Variants in PRKCA observed in about 807,000 individuals in gnomAD.
PRKCA encodes protein kinase C alpha.
PRKCA carries 27 observed loss-of-function variants against 87.0 expected under a neutral mutation model. The observed-to-expected ratio is 0.31, with a 90% CI of 0.23 to 0.43. The LOEUF is 0.43. Ranked by LOEUF, PRKCA falls within the 20% of genes least tolerant of loss-of-function variation. PRKCA has a pLI of 1.00. For synonymous variants in PRKCA, 329 were observed against 311.1 expected, an observed-to-expected ratio of 1.06 and a Z score of -0.61; for missense variants, 518 against 852.3, an observed-to-expected ratio of 0.61 and a Z score of 4.88.
intron 3 of PRKCA, among the ~76,000 whole-genome samples, chr17:66,564,434 A>G (rs1335438613): frequency 6.6e-6 from 1 of 152,090 alleles, no homozygotes; most frequent in East Asian, 1.9e-4. Flanking sequence ...TACAGCTCAC[A>G]TAATGTTTCT....
intron 3 of PRKCA, among the ~76,000 whole-genome samples, chr17:66,504,144 G>T (rs558528544): frequency 6.6e-6 from 1 of 152,178 alleles, no homozygotes; most frequent in Non-Finnish European, 1.5e-5. Context: ...TCAGCCCCAA[G>T]TTTCATTATA....
chr17:66,623,714 T>A, intron 3 of PRKCA, among the ~76,000 whole-genome samples: 1 of 152,002 alleles, frequency 6.6e-6, no homozygotes, highest in African/African-American at 2.4e-5. Context: ...AAGATAAAGC[T>A]AAATAAGAAA....
At chr17:66,755,137 TCCTTGGAAG>T (rs1384528236) in intron 13 of PRKCA, among the ~76,000 whole-genome samples, 1 of 152,136 alleles carries the variant, frequency 6.6e-6, no homozygotes, top group African/African-American at 2.4e-5. Context: ...AACAAGAGCT[TCCTTGGAAG>T]CATTCCATGA....
At chr17:66,720,133 G>T (rs1188708158) in intron 8 of PRKCA, among the ~76,000 whole-genome samples, 2 of 152,182 alleles carry the variant, frequency 1.3e-5, no homozygotes, top group Non-Finnish European at 2.9e-5. Flanking sequence ...AGAGAGGGAG[G>T]GAGTATGCAC....
At position 66,539,819 on chromosome 17, in the gene PRKCA, G is replaced by A. The variant is rs547084087; in HGVS notation, c.288+43536G>A. Among the ~76,000 whole-genome samples the A allele has an allele frequency of 2.6e-5, 4 of 152,310 alleles. No individual in the cohort carries two copies. The East Asian group carries it at 5.8e-4, about 22-fold the overall frequency. ...CAGATTTGAAGGGATGAGTTTCCTT[G>A]TTCTGGATTAAACAGCTCACTCAGA... On this transcript the variant is annotated intron_variant, in intron 3 of 16. Coordinates refer to ENST00000413366, the MANE Select transcript of PRKCA (RefSeq NM_002737.3).
chr17:66,738,689 C>A, intron 10 of PRKCA, 75 bp from the exon 11 acceptor site: 1 of 1,200,086 alleles, frequency 8.3e-7, no homozygotes, highest in Non-Finnish European at 1.2e-6. Context: ...GAAAGCAAAA[C>A]ACAACCTGTG....
At chr17:66,714,061 C>T (rs559926831) in intron 8 of PRKCA, among the ~76,000 whole-genome samples, 19 of 152,294 alleles carry the variant, frequency 1.2e-4, no homozygotes, top group African/African-American at 4.3e-4. Context: ...TCTCCTGGCC[C>T]ATTGACAAAA....
intron 1 of PRKCA, among the ~76,000 whole-genome samples, chr17:66,303,502 G>A (rs186399266): frequency 6.8e-5 from 1 of 14,736 alleles, no homozygotes; most frequent in African/African-American, 1.3e-4. Flanking sequence ...CGCGTTCGGG[G>A]TGGGGGGGTT....
At chr17:66,499,432 A>G (rs1422931555) in intron 3 of PRKCA, among the ~76,000 whole-genome samples, 2 of 152,208 alleles carry the variant, frequency 1.3e-5, no homozygotes, top group Admixed American at 6.5e-5. Context: ...AACTGCGTAT[A>G]AGTAGGTAAC....
At chr17:66,303,771 G>A (rs979377179) in intron 1 of PRKCA, among the ~76,000 whole-genome samples, 1 of 152,172 alleles carries the variant, frequency 6.6e-6, no homozygotes, top group African/African-American at 2.4e-5. Context: ...GGGAGGCCGA[G>A]GCAGGCGGAT....
chr17:66,619,200 C>T (rs771067611), intron 3 of PRKCA, among the ~76,000 whole-genome samples: 29 of 152,256 alleles, frequency 1.9e-4, no homozygotes, highest in Non-Finnish European at 3.8e-4. Context: ...GAGTCTCTCT[C>T]ATAAACTGTT....
chr17:66,457,494 C>T (rs1914623486), intron 2 of PRKCA, among the ~76,000 whole-genome samples: 6 of 152,150 alleles, frequency 3.9e-5, no homozygotes, highest in Admixed American at 3.9e-4. Context: ...TCGCTGTGAG[C>T]TCTCTGGAGA....
intron 3 of PRKCA, among the ~76,000 whole-genome samples, chr17:66,637,238 G>T (rs1235304219): frequency 6.6e-6 from 1 of 152,172 alleles, no homozygotes; most frequent in Non-Finnish European, 1.5e-5. Flanking sequence ...CCCTGGGGCT[G>T]CCTGGCATGC....
intron 14 of PRKCA, chr17:66,777,056 G>A (rs1975070851): frequency 4.9e-6 from 1 of 205,846 alleles, no homozygotes; most frequent in Non-Finnish European, 8.5e-6. Flanking sequence ...CCTTTATTGG[G>A]AGACTGCCTT....
intron 5 of PRKCA, among the ~76,000 whole-genome samples, chr17:66,656,240 A>G (rs12452012): frequency 0.053 from 8,089 of 152,270 alleles, 291 homozygotes; most frequent in Admixed American, 0.077. Flanking sequence ...CCTGCTTAAG[A>G]TACCCCAAGT....
intron 3 of PRKCA, among the ~76,000 whole-genome samples, chr17:66,586,664 T>C (rs1245570961): frequency 6.6e-6 from 1 of 152,218 alleles, no homozygotes; most frequent in Non-Finnish European, 1.5e-5. Context: ...TGCTTTGAGC[T>C]CAAAATAACT....
chr17:66,467,171 A>G (rs118075327), intron 2 of PRKCA, among the ~76,000 whole-genome samples: 157 of 152,210 alleles, frequency 1.0e-3, no homozygotes, highest in Non-Finnish European at 2.0e-3. Context: ...GTGTGCAAAG[A>G]TCTTTTGGTT....
intron 2 of PRKCA, among the ~76,000 whole-genome samples, chr17:66,361,337 G>C (rs1411334824): frequency 1.3e-5 from 2 of 150,964 alleles, no homozygotes; most frequent in East Asian, 3.9e-4. Context: ...TTTAGGACAG[G>C]GTCTCGCTCT....
rs1223057675 is a variant in PRKCA at position 66,808,225 on chromosome 17, CAACT to C, written c.*4192_*4195del. ...CTGAGGATGAATGGAGAAGTAAAAACAACTAACACCGCACAACTAACAACTAACA... is the reference window on the plus strand; with the variant it reads ...CTGAGGATGAATGGAGAAGTAAAAACAACACCGCACAACTAACAACTAACA... On this transcript the variant is annotated 3_prime_UTR_variant, in exon 17 of 17. Transcript: ENST00000413366. 1 of 151,976 alleles carries C rather than the reference CAACT, an allele frequency of 6.6e-6. No homozygotes were observed. The highest frequency in any genetic ancestry group is 1.5e-5 in the Non-Finnish European group (1 of 68,022). 9.4% of individuals were successfully genotyped at this position (151,976 alleles called of 1,614,324 possible). A position where few individuals can be genotyped will look rare whatever the true frequency, so the allele number is the denominator to read the frequency against.
Sources: gnomAD v4.1 joint callset for allele counts (sites outside exome capture counted in the v4.1 genomes callset) on GRCh38, gnomAD v4.1.1 for gene constraint, MANE v1.5 for transcripts, NCBI Gene and HGNC (gene_info 2026-07-23, HGNC 2026-07-21) for gene names.